The following LPIN1 variants were observed in gnomAD, a reference collection of about 807,000 sequenced individuals.
LPIN1 encodes the protein phosphatidate phosphatase LPIN1.
In LPIN1, 71 loss-of-function variants were observed where a neutral mutation model predicts 107.5. The ratio of observed to expected loss-of-function variants is 0.66; its 90% CI spans 0.55 to 0.80. The LOEUF (loss-of-function observed/expected upper bound fraction) is 0.80. LPIN1 is among the 30% of genes least tolerant of loss of function. The pLI, the probability that LPIN1 is intolerant of heterozygous loss-of-function variation, is 0.00. For missense variants in LPIN1, 1,043 were observed against 1,160.6 expected (o/e 0.90, Z 1.47); for synonymous variants, 445 against 452.6 (o/e 0.98, Z 0.21).
At chr2:11,810,976 G>GT (rs1413399291) in intron 17 of LPIN1, among the ~76,000 whole-genome samples, 1 of 151,992 alleles carries the variant, frequency 6.6e-6, no homozygotes, top group Non-Finnish European at 1.5e-5. Context: ...CCATTCTGGT[G>GT]TTTCTCCAGA....
rs1295526939 is a variant in LPIN1, at chr2:11,826,362, G to A, written c.*1571G>A. ...CACAAAGGCAAACAGATCTGCCATC[G>A]ATCGCAGATTTCTGTAGAAACACGG... On this transcript the variant is annotated 3_prime_UTR_variant, in exon 21 of 21. Transcript: ENST00000674199. 1 of 152,500 alleles carries A rather than the reference G, an allele frequency of 6.6e-6. No individual in the cohort carries two copies. 9.4% of individuals were successfully genotyped at this position (152,500 alleles called of 1,614,324 possible).
At chr2:11,677,868 C>A in intron 1 of LPIN1, 1 of 709,190 alleles carries the variant, frequency 1.4e-6, no homozygotes, top group Non-Finnish European at 2.4e-6. Context: ...TGCATTCACG[C>A]TTCCCCAGAT....
At chr2:11,802,102 A>G (rs1677854126) in intron 14 of LPIN1, among the ~76,000 whole-genome samples, 1 of 152,148 alleles carries the variant, frequency 6.6e-6, no homozygotes, top group African/African-American at 2.4e-5. Flanking sequence ...GCATTTACTA[A>G]GTGATTCATA....
In LPIN1 at chr2:11,765,697, T is replaced by C; in HGVS notation, c.156T>C (p.Phe52=). 1 of 1,612,708 alleles carries C rather than the reference T, an allele frequency of 6.2e-7. No individual in the cohort carries two copies. The highest frequency in any genetic ancestry group is 8.5e-7 in the Non-Finnish European group (1 of 1,178,908). ...NLQCSPFHVR[F]GKMGVLRSRE... is the part of the protein sequence containing the mutation. ...AATGCTCCCCTTTCCACGTCCGCTT[T>C]GGGAAGATGGGGGTCCTGCGCTCCC... is the stretch of plus-strand genomic sequence containing the variant. The change falls in exon 2 of 21, where the codon TTT becomes TTC. Residue 52 remains phenylalanine, a synonymous_variant. Coordinates refer to ENST00000674199, the MANE Select transcript of LPIN1 (RefSeq NM_001349206.2). This position sits in a 1 kb window ranked among gnomAD's most constrained non-coding sequence, Gnocchi z 4.4.
chr2:11,754,299 G>A (rs573580083), intron 1 of LPIN1, among the ~76,000 whole-genome samples: 4 of 152,318 alleles, frequency 2.6e-5, no homozygotes, highest in African/African-American at 9.6e-5. Flanking sequence ...GCCCACAGGT[G>A]CCCTTTAAGC....
chr2:11,758,790 A>T (rs931641534), intron 1 of LPIN1, among the ~76,000 whole-genome samples: 5 of 152,354 alleles, frequency 3.3e-5, no homozygotes, highest in Non-Finnish European at 7.3e-5. Context: ...TCCAGTGGGA[A>T]GGTCACAGAA....
Position 11,815,168 on chromosome 2 carries a change from A to T in LPIN1, c.2330A>T (p.Asn777Ile). The T allele has an allele frequency of 1.9e-6, 3 of 1,614,228 alleles. No individual in the cohort carries two copies. The highest frequency in any genetic ancestry group is 2.5e-6 in the Non-Finnish European group (3 of 1,180,026). Reference protein sequence around the residue: ...DMTRGYLHWVNERGTVLPQGP... With the variant: ...DMTRGYLHWVIERGTVLPQGP... ...ACGCGGGGCTACCTGCACTGGGTCA[A>T]CGAGAGGGGCACGGTGCTGCCCCAG... Residue 777 changes from asparagine (N) to isoleucine (I), a missense_variant, in exon 18 of 21, where the codon AAC becomes ATC. Physicochemically the swap from Asn to Ile is moderately radical, Grantham distance 149 (BLOSUM62 -3). Coordinates refer to ENST00000674199, the MANE Select transcript of LPIN1 (RefSeq NM_001349206.2).
rs1279811100 is a variant in LPIN1, at chr2:11,819,611, T to C, written c.2517+13T>C. On this transcript the variant is annotated intron_variant, in intron 19 of 20. Coordinates refer to ENST00000674199, the MANE Select transcript of LPIN1 (RefSeq NM_001349206.2). ...AAACCGACCAGCTGTAAGTAGTAGA[T>C]TGGGTATAGAAGAACCCTTGAAATG... is the stretch of plus-strand genomic sequence containing the variant. 1.3e-6 allele frequency: 2 copies of C among 1,587,228 alleles called. No individual in the cohort carries two copies. The highest frequency in any genetic ancestry group is 1.7e-5 in the Admixed American group (1 of 59,986).
chr2:11,752,748 C>A (rs1416048104), intron 1 of LPIN1, among the ~76,000 whole-genome samples: 9 of 152,098 alleles, frequency 5.9e-5, no homozygotes. Flanking sequence ...CCATTTTAAA[C>A]TGACCTTAAT....
At chr2:11,813,427 A>T (rs567670120) in intron 17 of LPIN1, among the ~76,000 whole-genome samples, 1 of 152,186 alleles carries the variant, frequency 6.6e-6, no homozygotes, top group South Asian at 2.1e-4. Context: ...AAACTTGGGG[A>T]AGACAGAAAA....
At chr2:11,717,600 A>G (rs948930086) in intron 2 of LPIN1, among the ~76,000 whole-genome samples, 1 of 151,142 alleles carries the variant, frequency 6.6e-6, no homozygotes, top group African/African-American at 2.4e-5. Flanking sequence ...ATTGGAATCT[A>G]TTCCTTCTAT....
At chr2:11,700,209 A>C (rs1339252029) in intron 1 of LPIN1, among the ~76,000 whole-genome samples, 1 of 152,136 alleles carries the variant, frequency 6.6e-6, no homozygotes. Flanking sequence ...GTCACCTGCA[A>C]TCCAAGAACC....
At chr2:11,752,443 T>C (rs1376719244) in intron 1 of LPIN1, among the ~76,000 whole-genome samples, 5 of 110,404 alleles carry the variant, frequency 4.5e-5, no homozygotes, top group Non-Finnish European at 6.9e-5. Flanking sequence ...ATTTTTTTTT[T>C]TTTTTTGAGA....
At chr2:11,775,437 A>G (rs1314022294) in intron 5 of LPIN1, among the ~76,000 whole-genome samples, 4 of 152,222 alleles carry the variant, frequency 2.6e-5, no homozygotes, top group Non-Finnish European at 5.9e-5. Context: ...AACATCTGTA[A>G]TGTTTTGCCT....
At chr2:11,742,773 C>T (rs897006888), upstream of LPIN1, among the ~76,000 whole-genome samples, 9 of 152,242 alleles carry the variant, frequency 5.9e-5, no homozygotes, top group East Asian at 3.8e-4. Context: ...GGAGAAAGGG[C>T]GTTCCAGACC....
At chr2:11,713,736 C>G (rs1181011998) in intron 1 of LPIN1, 1 of 1,407,992 alleles carries the variant, frequency 7.1e-7, no homozygotes, top group Non-Finnish European at 9.7e-7. Context: ...TAATTAATTT[C>G]TAATGTTTTT....
intron 20 of LPIN1, chr2:11,823,089 T>G (rs1390977009): frequency 6.6e-6 from 1 of 152,270 alleles, no homozygotes; most frequent in Non-Finnish European, 1.5e-5. Context: ...CATTCAGAAC[T>G]GGGACAGTCA....
intron 1 of LPIN1, among the ~76,000 whole-genome samples, chr2:11,750,438 T>C (rs74604759): frequency 3.9e-4 from 60 of 152,324 alleles, no homozygotes; most frequent in African/African-American, 1.3e-3. Context: ...TCATTTTAAC[T>C]AGTAATATTC....
intron 7 of LPIN1, 57 bp downstream of exon 7, chr2:11,779,702 C>T: frequency 6.2e-7 from 1 of 1,608,484 alleles, no homozygotes; most frequent in Non-Finnish European, 8.5e-7. Flanking sequence ...GCTTAAATTA[C>T]ATGGAATTAG....
Sources: gnomAD v4.1 joint callset for allele counts (sites outside exome capture counted in the v4.1 genomes callset) on GRCh38, gnomAD v4.1.1 for gene constraint, Gnocchi (gnomAD v3.1) non-coding constraint, MANE v1.5 for transcripts, NCBI Gene and HGNC (gene_info 2026-07-23, HGNC 2026-07-21) for gene names.